Variants in CLASP2 observed in about 807,000 individuals in gnomAD.
CLASP2 encodes CLIP-associating protein 2.
CLASP2 carries 47 observed loss-of-function variants against 194.4 expected under a neutral mutation model. The observed-to-expected ratio is 0.24, with a 90% CI of 0.19 to 0.31. CLASP2 has a LOEUF of 0.31. Among genes scored for constraint, CLASP2 ranks in the 10% least tolerant of loss-of-function variants. CLASP2 has a pLI of 1.00. For synonymous variants in CLASP2, 619 were observed against 633.5 expected (o/e 0.98, Z 0.34); for missense variants, 1,445 against 1,823.6 (o/e 0.79, Z 3.78).
chr3:33,634,562 C>T (rs546230578), intron 8 of CLASP2, among the ~76,000 whole-genome samples: 39 of 152,146 alleles, frequency 2.6e-4, no homozygotes, highest in African/African-American at 6.3e-4. Flanking sequence ...CTTTGACCAA[C>T]GAAGGATATA....
At chr3:33,538,706 A>C in intron 33 of CLASP2, 83 bp downstream of exon 33, 1 of 1,206,062 alleles carries the variant, frequency 8.3e-7, no homozygotes, top group South Asian at 2.0e-5. Context: ...TATATTCAAA[A>C]ATGACAGAAA....
chr3:33,680,747 G>A (rs2089681236), intron 6 of CLASP2, among the ~76,000 whole-genome samples: 2 of 152,150 alleles, frequency 1.3e-5, no homozygotes, highest in South Asian at 4.1e-4. Context: ...AGAGGTTGAG[G>A]CTGCAGTGAA....
At chr3:33,658,171 G>C (rs752341557) in intron 7 of CLASP2, among the ~76,000 whole-genome samples, 1 of 152,094 alleles carries the variant, frequency 6.6e-6, no homozygotes, top group Non-Finnish European at 1.5e-5. Flanking sequence ...CCTAGATTTG[G>C]TACTGGTTTG....
intron 34 of CLASP2, among the ~76,000 whole-genome samples, chr3:33,528,873 A>C (rs1192204731): frequency 6.6e-6 from 1 of 152,136 alleles, no homozygotes; most frequent in African/African-American, 2.4e-5. Context: ...CATGAAGAGA[A>C]AGTCAAACTA....
chr3:33,688,431 A>T, intron 3 of CLASP2, 63 bp from the exon 4 acceptor site: 1 of 1,218,620 alleles, frequency 8.2e-7, no homozygotes, highest in Non-Finnish European at 1.2e-6. Context: ...ATAATCTTTT[A>T]TTTCTTCCCA....
At chr3:33,501,895 CA>C in intron 37 of CLASP2, 127 bp from the exon 38 acceptor site, 2 of 645,890 alleles carry the variant, frequency 3.1e-6, no homozygotes, top group Non-Finnish European at 5.5e-6. Context: ...AAGTGCAGAT[CA>C]AAGTTAACTT....
chr3:33,659,108 G>T, intron 7 of CLASP2: 1 of 1,470,036 alleles, frequency 6.8e-7, no homozygotes, highest in Non-Finnish European at 9.0e-7. Flanking sequence ...AGCACTGTGT[G>T]ACCCAGGCCT....
At chr3:33,634,307 C>T (rs775966522) in intron 8 of CLASP2, among the ~76,000 whole-genome samples, 1 of 152,120 alleles carries the variant, frequency 6.6e-6, no homozygotes, top group East Asian at 1.9e-4. Context: ...TAAAACAAAA[C>T]CATCATTACT....
At chr3:33,621,078 A>G (rs559467082) in intron 11 of CLASP2, among the ~76,000 whole-genome samples, 13 of 149,076 alleles carry the variant, frequency 8.7e-5, no homozygotes, top group East Asian at 4.0e-4. Flanking sequence ...TGCACTGCCA[A>G]TTGTGACCAC....
At chr3:33,595,501 A>G (rs760259353) in intron 19 of CLASP2, among the ~76,000 whole-genome samples, 5 of 152,136 alleles carry the variant, frequency 3.3e-5, no homozygotes, top group Non-Finnish European at 5.9e-5. Flanking sequence ...TTAGCTATTT[A>G]TTCAACATTT....
intron 7 of CLASP2, among the ~76,000 whole-genome samples, chr3:33,655,144 A>G (rs2083919223): frequency 1.3e-5 from 2 of 152,314 alleles, no homozygotes; most frequent in South Asian, 4.1e-4. Flanking sequence ...TAAATTTTCA[A>G]GACAGTTTAG....
rs955859026 is a variant in CLASP2 at position 33,544,912 on chromosome 3, A to G, written c.3154-71T>C. ...AAACAAGACCGTTTTCTTCCCCTAC[A>G]TTTCTGTTCAATAGCACGAAGCTTG... On this transcript the variant is annotated intron_variant, in intron 30 of 38. Transcript: ENST00000682230. 6 of 1,129,570 alleles carry G rather than the reference A, an allele frequency of 5.3e-6. No individual in the cohort carries two copies. The Admixed American group carries it at 8.0e-5, about 15-fold the overall frequency. The allele number at this position is 1,129,570 out of a possible 1,614,324, so 70.0% of individuals were successfully genotyped here.
At chr3:33,528,419 A>G (rs777344299) in intron 34 of CLASP2, among the ~76,000 whole-genome samples, 8 of 152,160 alleles carry the variant, frequency 5.3e-5, no homozygotes, top group Non-Finnish European at 1.2e-4. Flanking sequence ...CTTCTATTAA[A>G]CATAGTTTTG....
At chr3:33,696,404 T>C (rs954323778) in intron 2 of CLASP2, among the ~76,000 whole-genome samples, 1 of 148,504 alleles carries the variant, frequency 6.7e-6, no homozygotes, top group Non-Finnish European at 1.5e-5. Flanking sequence ...TAAGTAAGTT[T>C]AAAACCTTGT....
At chr3:33,517,301 A>G (rs1041832553) in intron 34 of CLASP2, 127 bp from the exon 35 acceptor site, 2 of 712,466 alleles carry the variant, frequency 2.8e-6, no homozygotes, top group African/African-American at 3.7e-5. Context: ...GACAAAGAAA[A>G]AAGACATTAA....
At chr3:33,612,107 A>G (rs776085106) in intron 12 of CLASP2, 36 bp from the exon 13 acceptor site, 1 of 1,319,328 alleles carries the variant, frequency 7.6e-7, no homozygotes. Context: ...TGAAAATACT[A>G]CACACTTCAT....
chr3:33,520,819 CTA>C (rs1491495224), intron 34 of CLASP2, among the ~76,000 whole-genome samples: 4 of 113,736 alleles, frequency 3.5e-5, no homozygotes, highest in Non-Finnish European at 3.5e-5. Context: ...ATGTAAATCT[CTA>C]CACACACACA....
intron 35 of CLASP2, 56 bp downstream of exon 35, chr3:33,516,925 G>C (rs1261297079): frequency 7.2e-7 from 1 of 1,398,226 alleles, no homozygotes; most frequent in Admixed American, 1.9e-5. Context: ...TAGATTAACA[G>C]GCAATGTAAA....
At position 33,565,969 on chromosome 3, in the gene CLASP2, C is replaced by T. The variant is rs1182603503; in HGVS notation, c.2766+763G>A. On this transcript the variant is annotated intron_variant, in intron 27 of 38. Transcript: ENST00000682230. ...TATACAGATTTTTCTATTGCACAGG[C>T]GTCTGTGTCCCTCTCTAACCTCCTC... Among the ~76,000 whole-genome samples, 4 of 152,070 alleles carry T rather than the reference C, an allele frequency of 2.6e-5. No homozygotes were observed. In the South Asian group the frequency reaches 6.2e-4, roughly 24 times the overall value.
Sources: gnomAD v4.1 joint callset for allele counts (sites outside exome capture counted in the v4.1 genomes callset) on GRCh38, gnomAD v4.1.1 for gene constraint, MANE v1.5 for transcripts, NCBI Gene and HGNC (gene_info 2026-07-23, HGNC 2026-07-21) for gene names.